The following ANTXR1 variants were observed in gnomAD, a reference collection of about 807,000 sequenced individuals.
ANTXR1 encodes the protein anthrax toxin receptor 1.
Under a neutral mutation model 78.1 loss-of-function variants are expected in ANTXR1, and 19 were observed. The ratio of observed to expected loss-of-function variants is 0.24; its 90% CI spans 0.17 to 0.36. The LOEUF is 0.36. ANTXR1 is among the 10% of genes least tolerant of loss of function. ANTXR1 has a pLI of 1.00. For synonymous variants in ANTXR1, 273 were observed against 260.5 expected (o/e 1.05, Z -0.46); for missense variants, 518 against 718.6 (o/e 0.72, Z 3.19).
At chr2:69,067,851 A>G (rs1445609944) in intron 3 of ANTXR1, among the ~76,000 whole-genome samples, 1 of 152,204 alleles carries the variant, frequency 6.6e-6, no homozygotes, top group African/African-American at 2.4e-5. Flanking sequence ...CACTGCTCTC[A>G]TCTTTATTCT....
intron 17 of ANTXR1, among the ~76,000 whole-genome samples, chr2:69,212,231 G>A (rs770050150): frequency 2.0e-5 from 3 of 152,214 alleles, no homozygotes; most frequent in Non-Finnish European, 4.4e-5. Context: ...AGGAGGATGG[G>A]AGGAGTAGAG....
At position 69,013,803 on chromosome 2, in the gene ANTXR1, G is replaced by A; in HGVS notation, c.152+152G>A. On this transcript the variant is annotated intron_variant, in intron 1 of 17. Transcript: ENST00000303714. The surrounding 1 kb of genome is among the most constrained non-coding windows in gnomAD (Gnocchi z 5.0). The stretch of plus-strand genomic sequence containing the variant: ...GCGGCAGGCGGCGGCGGAGTGCTGC[G>A]CCTTTGTTGGGGCGCGCTCCTCCCA... 2 of 1,345,960 alleles carry A rather than the reference G, an allele frequency of 1.5e-6. No individual in the cohort carries two copies. Among genetic ancestry groups the A allele is most frequent in the South Asian group, 1.3e-5 (1 of 76,362 alleles). 83.4% of individuals were successfully genotyped at this position (1,345,960 alleles called of 1,614,324 possible).
At chr2:69,227,319 G>A (rs1169707574) in intron 17 of ANTXR1, among the ~76,000 whole-genome samples, 1 of 152,116 alleles carries the variant, frequency 6.6e-6, no homozygotes, top group Non-Finnish European at 1.5e-5. Context: ...ACAGTCCAGA[G>A]GCTTCTGGGA....
chr2:69,177,179 G>A (rs1674145244), intron 14 of ANTXR1, among the ~76,000 whole-genome samples: 1 of 152,196 alleles, frequency 6.6e-6, no homozygotes, highest in South Asian at 2.1e-4. Flanking sequence ...TGCATTCTCT[G>A]GGGAACCCGG....
chr2:69,198,778 G>T (rs571901508), intron 17 of ANTXR1, among the ~76,000 whole-genome samples: 1 of 152,124 alleles, frequency 6.6e-6, no homozygotes, highest in African/African-American at 2.4e-5. Context: ...ATGGTAATGC[G>T]AATTGTCACC....
At chr2:69,022,170 CT>C (rs1249519025) in intron 1 of ANTXR1, among the ~76,000 whole-genome samples, 6 of 152,192 alleles carry the variant, frequency 3.9e-5, no homozygotes, top group Middle Eastern at 3.4e-3. Context: ...ACACAGACCA[CT>C]GCAGCAGCAG....
chr2:69,120,962 G>A (rs1672328783), intron 10 of ANTXR1, among the ~76,000 whole-genome samples: 1 of 152,086 alleles, frequency 6.6e-6, no homozygotes, highest in South Asian at 2.1e-4. Flanking sequence ...CAGCCTCACT[G>A]GCCCTCTTTT....
intron 2 of ANTXR1, among the ~76,000 whole-genome samples, chr2:69,040,879 T>C (rs1247512690): frequency 6.6e-6 from 1 of 152,194 alleles, no homozygotes; most frequent in Non-Finnish European, 1.5e-5. Flanking sequence ...ATGGCCTCCA[T>C]AGAGTCTTCC....
intron 16 of ANTXR1, among the ~76,000 whole-genome samples, chr2:69,184,844 A>C (rs1431183955): frequency 6.6e-6 from 1 of 152,218 alleles, no homozygotes; most frequent in Non-Finnish European, 1.5e-5. Context: ...GAGTGTCAGA[A>C]TCACCTGAGA....
At chr2:69,229,997 C>T (rs1044178322) in intron 17 of ANTXR1, among the ~76,000 whole-genome samples, 3 of 152,140 alleles carry the variant, frequency 2.0e-5, no homozygotes, top group Non-Finnish European at 4.4e-5. Context: ...TTTGCTTCCT[C>T]TTAATGTTTT....
intron 12 of ANTXR1, among the ~76,000 whole-genome samples, chr2:69,125,677 C>CA (rs772069447): frequency 5.3e-5 from 8 of 151,780 alleles, no homozygotes; most frequent in Middle Eastern, 3.4e-3. Flanking sequence ...CCTATCTCTA[C>CA]AAAAAAAACA....
chr2:69,118,246 C>CAAAAAA lies in ANTXR1; in HGVS notation c.803-4760_803-4755dup, dbSNP rs61565815. ...GGCAACATAGGGGACCTTGTCTCTA[C>CAAAAAA]AAAAAAAAAAAAAAAATTTAATTAG... On this transcript the variant is annotated intron_variant, in intron 10 of 17. Coordinates refer to ENST00000303714, the MANE Select transcript of ANTXR1 (RefSeq NM_032208.3). 1.1e-3 allele frequency among the ~76,000 whole-genome samples: 100 copies of CAAAAAA among 94,952 alleles called. 1 individual carries two copies. The highest frequency in any genetic ancestry group is 2.7e-3 in the East Asian group (9 of 3,328). 62.3% of individuals were successfully genotyped at this position (94,952 alleles called of 152,430 possible).
intron 12 of ANTXR1, among the ~76,000 whole-genome samples, chr2:69,133,034 T>C (rs1354090268): frequency 2.6e-5 from 4 of 152,190 alleles, no homozygotes; most frequent in Non-Finnish European, 5.9e-5. Flanking sequence ...GACACAAACA[T>C]GGCACGCTCT....
intron 17 of ANTXR1, among the ~76,000 whole-genome samples, chr2:69,215,788 G>A (rs555491873): frequency 1.1e-3 from 170 of 152,158 alleles, no homozygotes; most frequent in Non-Finnish European, 2.1e-3. Flanking sequence ...TAAGATTAAT[G>A]GAGGCTCTAC....
intron 1 of ANTXR1, among the ~76,000 whole-genome samples, chr2:69,016,698 T>C (rs1671036378): frequency 6.6e-6 from 1 of 152,278 alleles, no homozygotes; most frequent in Non-Finnish European, 1.5e-5. Context: ...TTTACCAATA[T>C]GGTACTACTA....
chr2:69,234,677 C>T lies in ANTXR1; in HGVS notation c.1435-10548C>T, dbSNP rs555940805. ...ACTTGGGAGGCTGAAGCAGGAGAATCGCTTGAACCTGGGAGACAGAGATTA... is the reference window on the plus strand; with the variant it reads ...ACTTGGGAGGCTGAAGCAGGAGAATTGCTTGAACCTGGGAGACAGAGATTA... On this transcript the variant is annotated intron_variant, in intron 17 of 17. Transcript: ENST00000303714. Among the ~76,000 whole-genome samples the T allele has an allele frequency of 9.2e-5, 14 of 152,138 alleles. No individual in the cohort carries two copies. The South Asian group carries it at 2.7e-3, about 29-fold the overall frequency.
Position 69,193,457 on chromosome 2 carries a change from TCTCACATA to T in ANTXR1, c.1434+44_1434+51del, listed in dbSNP as rs756744637. ...CATTAATGGTGTCTCTCTCTCTCTC[TCTCACATA>T]CACACACACACACACACACACACAC... is the stretch of plus-strand genomic sequence containing the variant. On this transcript the variant is annotated intron_variant, in intron 17 of 17. Coordinates refer to ENST00000303714, the MANE Select transcript of ANTXR1 (RefSeq NM_032208.3). 6.9e-6 allele frequency: 8 copies of T among 1,164,340 alleles called. No homozygotes were observed. In the African/African-American group the frequency reaches 1.0e-4, roughly 15 times the overall value. 72.1% of individuals were successfully genotyped at this position (1,164,340 alleles called of 1,614,324 possible). A position where few individuals can be genotyped will look rare whatever the true frequency, so the allele number is the denominator to read the frequency against.
chr2:69,019,574 G>A (rs1394993746), intron 1 of ANTXR1, among the ~76,000 whole-genome samples: 1 of 150,868 alleles, frequency 6.6e-6, no homozygotes, highest in Non-Finnish European at 1.5e-5. Flanking sequence ...ACAAACCTGC[G>A]CATCCTGCAT....
intron 10 of ANTXR1, among the ~76,000 whole-genome samples, chr2:69,117,144 C>T (rs148452788): frequency 1.3e-5 from 2 of 152,356 alleles, no homozygotes; most frequent in African/African-American, 4.8e-5. Context: ...AAGGCAAGCT[C>T]CTGTTGGTAT....
Sources: allele counts gnomAD v4.1 joint callset (sites outside exome capture counted in the v4.1 genomes callset), GRCh38; gene constraint gnomAD v4.1.1; non-coding constraint Gnocchi (gnomAD v3.1); transcripts MANE v1.5; gene names NCBI Gene and HGNC (gene_info 2026-07-23, HGNC 2026-07-21).